The following TRPS1 variants were observed in gnomAD, a reference collection of about 807,000 sequenced individuals.
The protein encoded by TRPS1 is zinc finger transcription factor Trps1.
Under a neutral mutation model 101.2 loss-of-function variants are expected in TRPS1, and 6 were observed. The observed-to-expected ratio is 0.06, with a 90% confidence interval of 0.03 to 0.12. The LOEUF is 0.12. Among genes scored for constraint, TRPS1 ranks in the 10% least tolerant of loss-of-function variants. The pLI is 1.00. For synonymous variants in TRPS1, 578 were observed against 589.8 expected (o/e 0.98, Z 0.29); for missense variants, 1,363 against 1,567.0 (o/e 0.87, Z 2.20).
At chr8:115,592,773 G>A (rs1360607034) in intron 4 of TRPS1, among the ~76,000 whole-genome samples, 2 of 152,020 alleles carry the variant, frequency 1.3e-5, no homozygotes, top group Non-Finnish European at 2.9e-5. Flanking sequence ...GGAAGAATAG[G>A]GTAGAATCTA....
At chr8:115,505,829 G>C (rs543701955) in intron 5 of TRPS1, among the ~76,000 whole-genome samples, 28 of 152,172 alleles carry the variant, frequency 1.8e-4, no homozygotes, top group South Asian at 6.2e-4. Context: ...CATATAGATT[G>C]AATGCATGTT....
chr8:115,578,483 A>G (rs60874196), intron 5 of TRPS1, among the ~76,000 whole-genome samples: 7,493 of 152,182 alleles, frequency 0.049, 668 homozygotes, highest in African/African-American at 0.17. Context: ...ATAATTAAAA[A>G]TTGGAAGTAG....
At chr8:115,457,631 C>T (rs144988522) in intron 5 of TRPS1, among the ~76,000 whole-genome samples, 28 of 151,612 alleles carry the variant, frequency 1.8e-4, no homozygotes, top group African/African-American at 6.0e-4. Flanking sequence ...TATTTCACCA[C>T]AATAAAAAAT....
chr8:115,428,921 T>G (rs2129818825), intron 5 of TRPS1, among the ~76,000 whole-genome samples: 1 of 152,264 alleles, frequency 6.6e-6, no homozygotes, highest in Non-Finnish European at 1.5e-5. Flanking sequence ...AAATGAAAGA[T>G]TTGTCTTTAA....
chr8:115,533,418 G>A (rs538035600), intron 5 of TRPS1, among the ~76,000 whole-genome samples: 13 of 117,948 alleles, frequency 1.1e-4, no homozygotes, highest in African/African-American at 3.5e-4. Flanking sequence ...TAAGGGGCCC[G>A]CTTCCCACAT....
At chr8:115,442,883 A>G (rs1813640906) in intron 5 of TRPS1, among the ~76,000 whole-genome samples, 1 of 151,960 alleles carries the variant, frequency 6.6e-6, no homozygotes, top group Non-Finnish European at 1.5e-5. Flanking sequence ...CGACGTCAGG[A>G]GATCGAGATC....
intron 1 of TRPS1, among the ~76,000 whole-genome samples, chr8:115,643,051 C>A (rs988449789): frequency 3.9e-4 from 60 of 151,932 alleles, no homozygotes; most frequent in African/African-American, 1.4e-3. Flanking sequence ...ATTAAGTGGG[C>A]AATAGTATTA....
At chr8:115,535,238 T>TATATAGC (rs1816267609) in intron 5 of TRPS1, among the ~76,000 whole-genome samples, 1 of 74,368 alleles carries the variant, frequency 1.3e-5, no homozygotes, top group South Asian at 4.5e-4. Context: ...ATATATAGCA[T>TATATAGC]ATATAGCATA....
chr8:115,597,556 T>C (rs1007260075), intron 4 of TRPS1, among the ~76,000 whole-genome samples: 26 of 152,102 alleles, frequency 1.7e-4, no homozygotes, highest in African/African-American at 6.0e-4. Context: ...TGGTACAGAA[T>C]TTGTATATTT....
At chr8:115,632,793 GTT>G (rs1277757783) in intron 1 of TRPS1, among the ~76,000 whole-genome samples, 2 of 152,234 alleles carry the variant, frequency 1.3e-5, no homozygotes, top group African/African-American at 4.8e-5. Context: ...TATCTAAAGT[GTT>G]TAGCAGTCAG....
rs1309154017 is a variant in TRPS1 at position 115,535,276 on chromosome 8, C to CATATATAGCATATATATAGCAT, written c.2700+51703_2700+51724dup. On this transcript the variant is annotated intron_variant, in intron 5 of 6. Coordinates refer to ENST00000395715, the MANE Select transcript of TRPS1 (RefSeq NM_014112.5). ...TAGCATATATATAGCATATATATAG[C>CATATATAGCATATATATAGCAT]ATATATAGCATATATATAGCATATA... Among the ~76,000 whole-genome samples the CATATATAGCATATATATAGCAT allele has an allele frequency of 2.6e-4, 29 of 111,262 alleles. 2 individuals carry two copies. Among genetic ancestry groups the CATATATAGCATATATATAGCAT allele is most frequent in the East Asian group, 8.7e-4 (3 of 3,460 alleles). The allele number at this position is 111,262 out of a possible 152,430, so 73.0% of individuals were successfully genotyped here.
At chr8:115,534,031 T>C (rs1816217549) in intron 5 of TRPS1, among the ~76,000 whole-genome samples, 1 of 151,934 alleles carries the variant, frequency 6.6e-6, no homozygotes, top group Non-Finnish European at 1.5e-5. Context: ...ACACTGGAGA[T>C]TGAAGCTCTA....
At chr8:115,653,223 A>T (rs1400129868) in intron 1 of TRPS1, among the ~76,000 whole-genome samples, 1 of 152,220 alleles carries the variant, frequency 6.6e-6, no homozygotes, top group Non-Finnish European at 1.5e-5. Flanking sequence ...ATTAAGAAAA[A>T]CTAAGGCTCA....
chr8:115,563,753 C>T (rs1005995260), intron 5 of TRPS1, among the ~76,000 whole-genome samples: 1 of 152,000 alleles, frequency 6.6e-6, no homozygotes, highest in Non-Finnish European at 1.5e-5. Flanking sequence ...TGTCATAATG[C>T]TTAAACTCCA....
chr8:115,619,839 C>G lies in TRPS1; in HGVS notation c.259G>C (p.Asp87His). The change falls in exon 3 of 7, where the codon GAC (aspartate) becomes CAC (histidine). Residue 87 changes from aspartate to histidine, a missense_variant. By Grantham distance (81) the Asp-to-His change is moderately conservative. This residue lies in a region of TRPS1 where 1,020 missense variants were observed against 1,073.0 expected (regional missense o/e 0.95). Transcript: ENST00000395715. Reference sequence around the variant, plus strand: ...TCACTCAGAACTGCGCTTTTCAAGTCCTTCTTACTGCTAGAAGATGGATCT... The same window carrying G: ...TCACTCAGAACTGCGCTTTTCAAGTGCTTCTTACTGCTAGAAGATGGATCT... ...VQDPSSSSKKDLKSAVLSEKA... is the reference protein window; with the variant it reads ...VQDPSSSSKKHLKSAVLSEKA... 1 of 1,614,186 alleles carries G rather than the reference C, an allele frequency of 6.2e-7. No individual in the cohort carries two copies. The highest frequency in any genetic ancestry group is 8.5e-7 in the Non-Finnish European group (1 of 1,180,032).
At chr8:115,575,184 T>G (rs984960776) in intron 5 of TRPS1, among the ~76,000 whole-genome samples, 1 of 152,026 alleles carries the variant, frequency 6.6e-6, no homozygotes, top group African/African-American at 2.4e-5. Context: ...CTATTGATAA[T>G]AGCAAAAAAT....
At chr8:115,507,714 C>T (rs1305676929) in intron 5 of TRPS1, among the ~76,000 whole-genome samples, 2 of 152,050 alleles carry the variant, frequency 1.3e-5, no homozygotes, top group African/African-American at 4.8e-5. Context: ...CATGCCAGTC[C>T]TAATTTGAGA....
chr8:115,469,501 T>C (rs1435678242), intron 5 of TRPS1, among the ~76,000 whole-genome samples: 1 of 152,156 alleles, frequency 6.6e-6, no homozygotes, highest in African/African-American at 2.4e-5. Flanking sequence ...CAGGTTTTTT[T>C]GTTTTTGTTT....
intron 5 of TRPS1, among the ~76,000 whole-genome samples, chr8:115,442,935 A>T (rs1258112312): frequency 6.6e-6 from 1 of 151,988 alleles, no homozygotes; most frequent in Non-Finnish European, 1.5e-5. Context: ...ACTAAAAAAA[A>T]TACAAAAAAA....
Sources: allele counts gnomAD v4.1 joint callset (sites outside exome capture counted in the v4.1 genomes callset), GRCh38; gene constraint gnomAD v4.1.1; regional missense constraint gnomAD v4.1.1; transcripts MANE v1.5; gene names NCBI Gene and HGNC (gene_info 2026-07-23, HGNC 2026-07-21).